Variants in PELI1 observed in about 807,000 individuals in gnomAD.
The protein encoded by PELI1 is pellino E3 ubiquitin protein ligase 1, also known as E3 ubiquitin-protein ligase pellino homolog 1.
In PELI1, 15 loss-of-function variants were observed where a neutral mutation model predicts 41.3. The ratio of observed to expected loss-of-function variants is 0.36; its 90% CI spans 0.24 to 0.56. The LOEUF is 0.56. Among genes scored for constraint, PELI1 ranks in the 20% least tolerant of loss-of-function variants. PELI1 has a pLI of 0.82. For synonymous variants in PELI1, 178 were observed against 180.1 expected, an observed-to-expected ratio of 0.99 and a Z score of 0.09; for missense variants, 403 against 525.5, an observed-to-expected ratio of 0.77 and a Z score of 2.28.
chr2:64,129,520 T>G (rs1187103756), intron 1 of PELI1, among the ~76,000 whole-genome samples: 1 of 152,196 alleles, frequency 6.6e-6, no homozygotes, highest in Non-Finnish European at 1.5e-5. Flanking sequence ...ACAAGTTTTG[T>G]CTAATTCCTC....
At chr2:64,132,841 A>C (rs904496867) in intron 1 of PELI1, among the ~76,000 whole-genome samples, 2 of 152,174 alleles carry the variant, frequency 1.3e-5, no homozygotes, top group Non-Finnish European at 2.9e-5. Context: ...CACACCCAGA[A>C]GCCTGCTAAA....
chr2:64,112,585 C>CCTT (rs1019155827), intron 1 of PELI1, among the ~76,000 whole-genome samples: 2 of 152,160 alleles, frequency 1.3e-5, no homozygotes, highest in Non-Finnish European at 2.9e-5. Flanking sequence ...TCTTAGAAGG[C>CCTT]CTTATCTGGG....
chr2:64,104,755 T>C lies in PELI1; in HGVS notation c.147A>G (p.Ala49=). 1 of 1,613,686 alleles carries C rather than the reference T, an allele frequency of 6.2e-7. No homozygotes were observed. Among genetic ancestry groups the C allele is most frequent in the Non-Finnish European group, 8.5e-7 (1 of 1,179,840 alleles). The part of the protein sequence containing the change: ...SRFALFKRPK[A]NGVKPSTVHI... ...GCACAGTGCTGGGCTTCACCCCATT[T>C]GCCTTAGGTCTTTTAAACAAAGCAA... The change falls in exon 3 of 7, where the codon GCA becomes GCG. Residue 49 remains alanine (A), a synonymous_variant. Transcript: ENST00000358912.
At chr2:64,118,105 G>A (rs918907724) in intron 1 of PELI1, among the ~76,000 whole-genome samples, 4 of 151,980 alleles carry the variant, frequency 2.6e-5, no homozygotes, top group Non-Finnish European at 4.4e-5. Context: ...CACCGTGCCC[G>A]GCCCTTTTGT....
intron 1 of PELI1, among the ~76,000 whole-genome samples, chr2:64,118,658 A>G (rs1681101262): frequency 6.6e-6 from 1 of 152,248 alleles, no homozygotes; most frequent in Non-Finnish European, 1.5e-5. Context: ...AAGAACAAAC[A>G]GAATATTCAG....
chr2:64,138,442 T>A (rs1681788784), intron 1 of PELI1, among the ~76,000 whole-genome samples: 2 of 152,140 alleles, frequency 1.3e-5, no homozygotes, highest in Admixed American at 1.3e-4. Context: ...TAAAACTGCA[T>A]CTTGGCCAGG....
intron 4 of PELI1, among the ~76,000 whole-genome samples, chr2:64,097,834 T>C (rs1368893345): frequency 6.6e-6 from 1 of 152,230 alleles, no homozygotes; most frequent in Non-Finnish European, 1.5e-5. Flanking sequence ...ATAAAGTCTT[T>C]TTATTTAGAT....
intron 1 of PELI1, among the ~76,000 whole-genome samples, chr2:64,109,914 C>T (rs1026213595): frequency 2.6e-5 from 4 of 152,050 alleles, no homozygotes; most frequent in Non-Finnish European, 5.9e-5. Context: ...TGTCACTGGA[C>T]ACACATGTCA....
intron 3 of PELI1, 38 bp downstream of exon 3, chr2:64,104,663 C>T: frequency 2.0e-6 from 3 of 1,534,966 alleles, no homozygotes; most frequent in Admixed American, 2.1e-5. Flanking sequence ...TTCAAATTCT[C>T]CAAGTTAATT....
chr2:64,120,997 C>T (rs892265594), intron 1 of PELI1, among the ~76,000 whole-genome samples: 1 of 152,186 alleles, frequency 6.6e-6, no homozygotes, highest in African/African-American at 2.4e-5. Flanking sequence ...TCTGTTGCTT[C>T]CCAGCATTCG....
chr2:64,127,219 A>T (rs1477381158), intron 1 of PELI1, among the ~76,000 whole-genome samples: 2 of 152,226 alleles, frequency 1.3e-5, no homozygotes, highest in Non-Finnish European at 2.9e-5. Flanking sequence ...TGAAAGCACA[A>T]GACCTGTTAA....
In PELI1 at chr2:64,104,806, G is replaced by C. The variant is rs773818352; in HGVS notation, c.96C>G (p.Gly32=). The C allele has an allele frequency of 6.2e-7, 1 of 1,611,892 alleles. No individual in the cohort carries two copies. The highest frequency in any genetic ancestry group is 1.7e-5 in the Admixed American group (1 of 59,702). Residue 32 remains glycine, a synonymous_variant, in exon 3 of 7, where the codon GGC becomes GGG. Coordinates refer to ENST00000358912, the MANE Select transcript of PELI1 (RefSeq NM_020651.4). ...ACCTACTTTTCCTCCTTCCTCTATC[G>C]CCATTTGGGAGAGACCCATTATACC... The part of the protein sequence containing the change: ...VLGYNGSLPN[G]DRGRRKSRFA...
At chr2:64,142,008 G>T (rs537123601) in intron 1 of PELI1, among the ~76,000 whole-genome samples, 2 of 152,292 alleles carry the variant, frequency 1.3e-5, no homozygotes, top group East Asian at 3.9e-4. Context: ...CTTAAGGAAA[G>T]AATGGATTCC....
chr2:64,092,838 TCA>T lies in PELI1; in HGVS notation c.*1862_*1863del, dbSNP rs1205263803. On this transcript the variant is annotated 3_prime_UTR_variant, in exon 7 of 7. Transcript: ENST00000358912. ...CATTCTCGATTATGCAAAAATGAAC[TCA>T]CAGAGACGAATTCAATTATGTATTT... 2.0e-5 allele frequency: 3 copies of T among 152,210 alleles called. No homozygotes were observed. The highest frequency in any genetic ancestry group is 7.2e-5 in the African/African-American group (3 of 41,452). The allele number at this position is 152,210 out of a possible 1,614,324, so 9.4% of individuals were successfully genotyped here.
At chr2:64,132,856 A>ACAT (rs1180638370) in intron 1 of PELI1, among the ~76,000 whole-genome samples, 1 of 152,210 alleles carries the variant, frequency 6.6e-6, no homozygotes, top group Non-Finnish European at 1.5e-5. Context: ...GCTAAAAATG[A>ACAT]AGAATCTCAA....
intron 1 of PELI1, among the ~76,000 whole-genome samples, chr2:64,127,957 T>G (rs1454254084): frequency 2.6e-5 from 4 of 152,194 alleles, no homozygotes; most frequent in African/African-American, 9.7e-5. Flanking sequence ...TTCATATAAT[T>G]TAGTCTAAGT....
At chr2:64,124,544 G>C (rs959672718) in intron 1 of PELI1, among the ~76,000 whole-genome samples, 2 of 152,170 alleles carry the variant, frequency 1.3e-5, no homozygotes, top group Non-Finnish European at 2.9e-5. Context: ...CATTCTACAA[G>C]ATAAATTTTC....
chr2:64,121,048 T>G (rs1681192116), intron 1 of PELI1, among the ~76,000 whole-genome samples: 1 of 152,222 alleles, frequency 6.6e-6, no homozygotes, highest in African/African-American at 2.4e-5. Flanking sequence ...TAAATCTGTT[T>G]AATGTTTCTT....
intron 3 of PELI1, among the ~76,000 whole-genome samples, chr2:64,100,893 A>AT (rs555473690): frequency 6.6e-6 from 1 of 151,556 alleles, no homozygotes; most frequent in Admixed American, 6.6e-5. Context: ...CGCCTGGCTA[A>AT]TTTTTTTTGT....
Sources: allele counts gnomAD v4.1 joint callset (sites outside exome capture counted in the v4.1 genomes callset), GRCh38; gene constraint gnomAD v4.1.1; transcripts MANE v1.5; gene names NCBI Gene and HGNC (gene_info 2026-07-23, HGNC 2026-07-21).